Variants in MARCHF1 observed in about 807,000 individuals in gnomAD.
The protein encoded by MARCHF1 is membrane associated ring-CH-type finger 1, also known as E3 ubiquitin-protein ligase MARCHF1.
Under a neutral mutation model 54.2 loss-of-function variants are expected in MARCHF1, and 40 were observed. The ratio of observed to expected loss-of-function variants is 0.74; its 90% CI spans 0.57 to 0.96. MARCHF1 has a LOEUF of 0.96. MARCHF1 is among the 40% of genes least tolerant of loss of function. The pLI, the probability that MARCHF1 is intolerant of heterozygous loss-of-function variation, is 0.00. For synonymous variants in MARCHF1, 236 were observed against 236.3 expected, an observed-to-expected ratio of 1.00 and a Z score of 0.01; for missense variants, 586 against 656.5, an observed-to-expected ratio of 0.89 and a Z score of 1.17.
chr4:163,820,992 G>A (rs1392054587), intron 4 of MARCHF1, among the ~76,000 whole-genome samples: 1 of 152,016 alleles, frequency 6.6e-6, no homozygotes, highest in Non-Finnish European at 1.5e-5. Context: ...TAAAAAGTAA[G>A]CTTGTTAACT....
chr4:163,626,952 G>C (rs1348018181), intron 5 of MARCHF1, among the ~76,000 whole-genome samples: 1 of 152,048 alleles, frequency 6.6e-6, no homozygotes, highest in African/African-American at 2.4e-5. Flanking sequence ...ACCAAACCTA[G>C]TTCTAGGGAA....
At chr4:163,684,806 T>C (rs1010761230) in intron 5 of MARCHF1, among the ~76,000 whole-genome samples, 1 of 152,218 alleles carries the variant, frequency 6.6e-6, no homozygotes, top group African/African-American at 2.4e-5. Flanking sequence ...AACACAAAAG[T>C]TGAAAGAATT....
intron 4 of MARCHF1, among the ~76,000 whole-genome samples, chr4:163,720,929 C>T (rs1745431946): frequency 6.6e-6 from 1 of 152,182 alleles, no homozygotes; most frequent in African/African-American, 2.4e-5. Context: ...AGATTTTGGG[C>T]TGAGACGATG....
At chr4:163,952,519 C>A (rs1752153972) in intron 3 of MARCHF1, among the ~76,000 whole-genome samples, 2 of 152,116 alleles carry the variant, frequency 1.3e-5, no homozygotes, top group Admixed American at 6.5e-5. Context: ...GATTGCGTTT[C>A]TCAGCATGCA....
chr4:164,106,619 G>C (rs1404074833), intron 2 of MARCHF1, among the ~76,000 whole-genome samples: 2 of 147,754 alleles, frequency 1.4e-5, no homozygotes, highest in Non-Finnish European at 1.5e-5. Flanking sequence ...ACTGTTGTGG[G>C]GTAGGGGGAG....
At chr4:164,301,651 AATTTATTGAAT>A (rs770187598) in intron 1 of MARCHF1, among the ~76,000 whole-genome samples, 2 of 152,158 alleles carry the variant, frequency 1.3e-5, no homozygotes, top group Non-Finnish European at 2.9e-5. Flanking sequence ...CAAGGTCAGA[AATTTATTGAAT>A]TCATATATTT....
chr4:164,326,303 TG>T (rs1735279485), intron 1 of MARCHF1, among the ~76,000 whole-genome samples: 1 of 152,218 alleles, frequency 6.6e-6, no homozygotes, highest in South Asian at 2.1e-4. Flanking sequence ...CTAGTTTTTA[TG>T]ATCCACATCA....
intron 7 of MARCHF1, among the ~76,000 whole-genome samples, chr4:163,587,092 T>C (rs2110830507): frequency 6.6e-6 from 1 of 152,374 alleles, no homozygotes. Context: ...TCTGAACTAC[T>C]ATGAATTCTA....
chr4:164,274,811 G>C (rs1481055908), intron 1 of MARCHF1, among the ~76,000 whole-genome samples: 1 of 150,296 alleles, frequency 6.7e-6, no homozygotes, highest in Non-Finnish European at 1.5e-5. Context: ...CGAGTAGCTG[G>C]GACTACAGGC....
chr4:164,026,512 A>C lies in MARCHF1; in HGVS notation c.-247-37803T>G, dbSNP rs552489504. ...ATGATCATCTCAATAGACACACACA[A>C]AAAAATATTTCAATAAAATCCACCA... is the stretch of plus-strand genomic sequence containing the variant. On this transcript the variant is annotated intron_variant, in intron 2 of 9. Transcript: ENST00000514618. Among the ~76,000 whole-genome samples the C allele has an allele frequency of 1.1e-3, 164 of 152,152 alleles. No individual in the cohort carries two copies. The South Asian group carries it at 0.011, about 10-fold the overall frequency.
intron 3 of MARCHF1, among the ~76,000 whole-genome samples, chr4:163,869,351 C>G (rs1023757340): frequency 6.6e-6 from 1 of 152,068 alleles, no homozygotes; most frequent in African/African-American, 2.4e-5. Flanking sequence ...TGACCTTTGG[C>G]AGTGGTAAAT....
chr4:163,679,564 T>A (rs1744029600), intron 5 of MARCHF1, among the ~76,000 whole-genome samples: 2 of 152,060 alleles, frequency 1.3e-5, no homozygotes, highest in Non-Finnish European at 2.9e-5. Flanking sequence ...CTGGCAACGA[T>A]AAAAGGTTGG....
intron 1 of MARCHF1, among the ~76,000 whole-genome samples, chr4:164,277,856 T>C (rs775274316): frequency 5.9e-5 from 9 of 152,214 alleles, no homozygotes; most frequent in South Asian, 4.1e-4. Flanking sequence ...TACAGGTTTG[T>C]GGAACGAAAG....
chr4:164,239,042 T>C (rs534456184), intron 1 of MARCHF1, among the ~76,000 whole-genome samples: 1 of 152,036 alleles, frequency 6.6e-6, no homozygotes, highest in East Asian at 1.9e-4. Context: ...CCATTGTTTT[T>C]CAGGTTATAT....
chr4:164,092,658 C>T (rs904529632), intron 2 of MARCHF1, among the ~76,000 whole-genome samples: 1 of 152,072 alleles, frequency 6.6e-6, no homozygotes, highest in Non-Finnish European at 1.5e-5. Flanking sequence ...CTTCAGAGTT[C>T]TTCATTTCCA....
chr4:163,744,067 T>C (rs1232027887), intron 4 of MARCHF1, among the ~76,000 whole-genome samples: 4 of 152,348 alleles, frequency 2.6e-5, no homozygotes, highest in African/African-American at 9.6e-5. Context: ...TGGACTGTTA[T>C]TTTCAAATCA....
At chr4:163,727,651 G>C (rs950597290) in intron 4 of MARCHF1, among the ~76,000 whole-genome samples, 4 of 150,128 alleles carry the variant, frequency 2.7e-5, no homozygotes, top group African/African-American at 9.8e-5. Flanking sequence ...AATTATGCTT[G>C]CACCATTTGT....
intron 5 of MARCHF1, among the ~76,000 whole-genome samples, chr4:163,643,394 C>T (rs1432352797): frequency 2.1e-5 from 3 of 140,626 alleles, no homozygotes; most frequent in African/African-American, 7.5e-5. Context: ...AGGCTAGTCT[C>T]AAATTCCTGG....
chr4:163,741,347 G>T (rs745577568), intron 4 of MARCHF1, among the ~76,000 whole-genome samples: 5 of 151,960 alleles, frequency 3.3e-5, no homozygotes, highest in African/African-American at 1.2e-4. Context: ...CACTTTGGGA[G>T]GCCGAGGTGG....
Sources: gnomAD v4.1 joint callset for allele counts (sites outside exome capture counted in the v4.1 genomes callset) on GRCh38, gnomAD v4.1.1 for gene constraint, MANE v1.5 for transcripts, NCBI Gene and HGNC (gene_info 2026-07-23, HGNC 2026-07-21) for gene names.